Variants in IGF1 observed in about 807,000 individuals in gnomAD.
IGF1 encodes insulin like growth factor 1.
In IGF1, 4 loss-of-function variants were observed where a neutral mutation model predicts 13.8. That is an observed-to-expected ratio of 0.29 (90% CI 0.14 to 0.66). The LOEUF (loss-of-function observed/expected upper bound fraction) is 0.66, where lower values mean the gene tolerates loss of function less well. IGF1 is among the 30% of genes least tolerant of loss of function. IGF1 has a pLI of 0.78. For synonymous variants in IGF1, 76 were observed against 72.6 expected, an observed-to-expected ratio of 1.05 and a Z score of -0.23; for missense variants, 124 against 188.5, an observed-to-expected ratio of 0.66 and a Z score of 2.00.
intron 2 of IGF1, among the ~76,000 whole-genome samples, chr12:102,456,562 T>A (rs1023694276): frequency 6.6e-6 from 1 of 152,152 alleles, no homozygotes; most frequent in African/African-American, 2.4e-5. Flanking sequence ...ATAGTTCTCT[T>A]TGGCGTTCCA....
rs1228052292 is a variant in IGF1 at position 102,466,727 on chromosome 12, C to T, written c.220+8916G>A. 4.6e-5 allele frequency among the ~76,000 whole-genome samples: 7 copies of T among 151,996 alleles called. No individual in the cohort carries two copies. In the East Asian group the frequency reaches 1.4e-3, roughly 29 times the overall value. ...GACCAGCATGGGCAACATGGTAAAA[C>T]CCCATCTCTACAAAAAAATACAAAA... On this transcript the variant is annotated intron_variant, in intron 2 of 3. Coordinates refer to ENST00000337514, the MANE Select transcript of IGF1 (RefSeq NM_000618.5).
intron 2 of IGF1, among the ~76,000 whole-genome samples, chr12:102,453,673 A>G (rs1879146234): frequency 6.6e-6 from 1 of 152,204 alleles, no homozygotes; most frequent in Non-Finnish European, 1.5e-5. Flanking sequence ...GTTTGGCCTT[A>G]AAAGTTACTC....
intron 1 of IGF1, among the ~76,000 whole-genome samples, chr12:102,477,913 G>A (rs1323048000): frequency 6.6e-6 from 1 of 151,650 alleles, no homozygotes; most frequent in African/African-American, 2.4e-5. Context: ...AATAGTTCTA[G>A]TATAACACAT....
intron 2 of IGF1, among the ~76,000 whole-genome samples, chr12:102,468,767 G>T (rs1880490304): frequency 6.6e-6 from 1 of 152,180 alleles, no homozygotes; most frequent in Non-Finnish European, 1.5e-5. Context: ...ACGATTTTTT[G>T]CCACCATGGG....
intron 2 of IGF1, among the ~76,000 whole-genome samples, chr12:102,441,722 T>A (rs1877732888): frequency 6.6e-6 from 1 of 152,206 alleles, no homozygotes; most frequent in South Asian, 2.1e-4. Context: ...TTTATACATA[T>A]GCTGTATCAT....
chr12:102,400,921 A>T lies in IGF1; in HGVS notation c.*1586T>A. On this transcript the variant is annotated 3_prime_UTR_variant, in exon 4 of 4. Transcript: ENST00000337514. ...GAATTCAAAATCAAATTGAAAATCAAATGCTTCCCACATATTTTGAAAAGT... is the reference window on the plus strand; with the variant it reads ...GAATTCAAAATCAAATTGAAAATCATATGCTTCCCACATATTTTGAAAAGT... 1 of 152,186 alleles carries T rather than the reference A, an allele frequency of 6.6e-6. No homozygotes were observed. The allele number at this position is 152,186 out of a possible 1,614,324, so 9.4% of individuals were successfully genotyped here.
At chr12:102,450,058 C>T (rs927998827) in intron 2 of IGF1, among the ~76,000 whole-genome samples, 14 of 152,146 alleles carry the variant, frequency 9.2e-5, no homozygotes, top group African/African-American at 3.4e-4. Flanking sequence ...AAGTGATGGA[C>T]TCTTCCGAAT....
rs572643524 is a variant in IGF1 at position 102,446,057 on chromosome 12, C to T, written c.221-26367G>A. ...TGTTTATTGGTTTGCCTATGTTGAACCAGCCTTGCATCCCAGGGATGATCG... is the reference window on the plus strand; with the variant it reads ...TGTTTATTGGTTTGCCTATGTTGAATCAGCCTTGCATCCCAGGGATGATCG... On this transcript the variant is annotated intron_variant, in intron 2 of 3. Coordinates refer to ENST00000337514, the MANE Select transcript of IGF1 (RefSeq NM_000618.5). Among the ~76,000 whole-genome samples, 4 of 152,292 alleles carry T rather than the reference C, an allele frequency of 2.6e-5. No individual in the cohort carries two copies. The East Asian group carries it at 7.7e-4, about 29-fold the overall frequency.
intron 2 of IGF1, among the ~76,000 whole-genome samples, chr12:102,441,281 C>G (rs1265894089): frequency 6.6e-6 from 1 of 152,230 alleles, no homozygotes; most frequent in Admixed American, 6.5e-5. Context: ...CTTGCTTACT[C>G]AGACTCAAAA....
intron 2 of IGF1, among the ~76,000 whole-genome samples, chr12:102,454,549 C>T (rs1017677515): frequency 6.6e-6 from 1 of 152,222 alleles, no homozygotes; most frequent in African/African-American, 2.4e-5. Flanking sequence ...AGTCTGAAGG[C>T]CATTGCCACC....
chr12:102,473,627 C>T (rs1042576735), intron 2 of IGF1, among the ~76,000 whole-genome samples: 9 of 152,154 alleles, frequency 5.9e-5, no homozygotes, highest in African/African-American at 2.2e-4. Context: ...TACAAAGCCA[C>T]TTTCTAGCTA....
At chr12:102,415,560 T>G (rs1055533586) in intron 3 of IGF1, 1 of 137,666 alleles carries the variant, frequency 7.3e-6, no homozygotes, top group African/African-American at 2.7e-5. Flanking sequence ...CCTTCCTTCC[T>G]TCCTTCCTTC....
At chr12:102,465,982 A>G (rs1880279317) in intron 2 of IGF1, among the ~76,000 whole-genome samples, 1 of 122,674 alleles carries the variant, frequency 8.2e-6, no homozygotes, top group Non-Finnish European at 1.8e-5. Flanking sequence ...TAAATAAATA[A>G]ATAAAGATAA....
intron 3 of IGF1, among the ~76,000 whole-genome samples, chr12:102,412,454 A>G (rs1874733468): frequency 1.3e-5 from 2 of 152,108 alleles, no homozygotes; most frequent in African/African-American, 4.8e-5. Flanking sequence ...CTTCCCCTCA[A>G]AACTGTTTGG....
At chr12:102,455,283 T>C (rs550038496) in intron 2 of IGF1, among the ~76,000 whole-genome samples, 118 of 152,332 alleles carry the variant, frequency 7.7e-4, no homozygotes, top group African/African-American at 2.5e-3. Context: ...TGGCTGCAAG[T>C]TGCACAACAG....
intron 1 of IGF1, among the ~76,000 whole-genome samples, chr12:102,478,172 G>C (rs953571529): frequency 6.6e-6 from 1 of 151,400 alleles, no homozygotes; most frequent in Non-Finnish European, 1.5e-5. Context: ...AACTTGCTTA[G>C]GAGTTTAAAG....
chr12:102,427,231 C>T (rs190277579), intron 2 of IGF1, among the ~76,000 whole-genome samples: 6 of 152,048 alleles, frequency 3.9e-5, no homozygotes, highest in Non-Finnish European at 8.8e-5. Context: ...GAAAGACTGA[C>T]ACAACTGTAA....
chr12:102,403,245 ATAAT>A (rs1424218646), intron 3 of IGF1, among the ~76,000 whole-genome samples: 4 of 152,188 alleles, frequency 2.6e-5, no homozygotes, highest in Non-Finnish European at 5.9e-5. Flanking sequence ...CAAAGATTAA[ATAAT>A]TAATATATAT....
intron 1 of IGF1, among the ~76,000 whole-genome samples, chr12:102,476,365 C>T (rs1175533460): frequency 6.7e-6 from 1 of 149,182 alleles, no homozygotes; most frequent in Non-Finnish European, 1.5e-5. Context: ...TTTGACAATA[C>T]TATATATCAT....
Sources: allele counts gnomAD v4.1 joint callset (sites outside exome capture counted in the v4.1 genomes callset), GRCh38; gene constraint gnomAD v4.1.1; transcripts MANE v1.5; gene names NCBI Gene and HGNC (gene_info 2026-07-23, HGNC 2026-07-21).